Variants in UNC13D observed in about 807,000 individuals in gnomAD.
The protein encoded by UNC13D is unc-13 homolog D, also known as protein unc-13 homolog D.
Under a neutral mutation model 151.7 loss-of-function variants are expected in UNC13D, and 115 were observed. The ratio of observed to expected loss-of-function variants is 0.76; its 90% CI spans 0.65 to 0.88. The LOEUF (loss-of-function observed/expected upper bound fraction) is 0.88. Among genes scored for constraint, UNC13D ranks in the 40% least tolerant of loss-of-function variants. UNC13D has a pLI of 0.00. For missense variants in UNC13D, 1,369 were observed against 1,438.7 expected (o/e 0.95, Z 0.78); for synonymous variants, 588 against 612.2 (o/e 0.96, Z 0.58).
Position 75,834,932 on chromosome 17 carries a change from G to A in UNC13D, c.1980C>T (p.Val660=), listed in dbSNP as rs756267228. The A allele has an allele frequency of 5.0e-6, 8 of 1,614,082 alleles. No homozygotes were observed. Among genetic ancestry groups the A allele is most frequent in the Non-Finnish European group, 5.1e-6 (6 of 1,180,022 alleles). ...GAAGATGCCGCACCTCCACAAACTT[G>A]ACGGTAATCATGAAGGCCTCCTCTG... ...PDPEEAFMIT[V]KFVEDTCRLA... is the part of the protein sequence containing the mutation. The change falls in exon 21 of 32, where the codon GTC becomes GTT. Residue 660 remains valine (V), a synonymous_variant. Coordinates refer to ENST00000207549, the MANE Select transcript of UNC13D (RefSeq NM_199242.3).
intron 6 of UNC13D, among the ~76,000 whole-genome samples, chr17:75,842,158 T>G (rs2064953898): frequency 6.6e-6 from 1 of 152,206 alleles, no homozygotes; most frequent in African/African-American, 2.4e-5. Flanking sequence ...CACCCATCCC[T>G]GCCTCCTTTC....
chr17:75,836,156 C>T lies in UNC13D; in HGVS notation c.1446+44G>A, dbSNP rs868073277. 5 of 1,611,868 alleles carry T rather than the reference C, an allele frequency of 3.1e-6. 1 individual carries two copies. In the African/African-American group the frequency reaches 4.0e-5, roughly 13 times the overall value. On this transcript the variant is annotated intron_variant, in intron 16 of 31. Coordinates refer to ENST00000207549, the MANE Select transcript of UNC13D (RefSeq NM_199242.3). The stretch of plus-strand genomic sequence containing the variant: ...GGGCAGGGCTGCCAGAGGCAGGCAC[C>T]ACCCCCCGTGACCCCCTGCCCTCCC...
At chr17:75,843,637 C>T in intron 1 of UNC13D, 118 bp from the exon 2 acceptor site, 3 of 1,524,926 alleles carry the variant, frequency 2.0e-6, no homozygotes, top group Non-Finnish European at 2.6e-6. Context: ...AGCACCCCGG[C>T]CTCCAGCCCC....
chr17:75,830,086 G>C lies in UNC13D; in HGVS notation c.2896C>G (p.Arg966Gly), dbSNP rs118049905. The stretch of plus-strand genomic sequence containing the variant: ...TCCTTCTTGTGCTTCTGGGTCTCCC[G>C]GGCGGCCAGCTCAGGGAACTCATGC... ...PRHEFPELAARETQKHKKDLH... is the reference protein window; with the variant it reads ...PRHEFPELAAGETQKHKKDLH... The change falls in exon 30 of 32, where the codon CGG (arginine) becomes GGG (glycine). Residue 966 changes from arginine to glycine, a missense_variant. Coordinates refer to ENST00000207549, the MANE Select transcript of UNC13D (RefSeq NM_199242.3). 17 of 1,579,904 alleles carry C rather than the reference G, an allele frequency of 1.1e-5. No homozygotes were observed. The highest frequency in any genetic ancestry group is 1.4e-5 in the Non-Finnish European group (16 of 1,163,032).
intron 12 of UNC13D, among the ~76,000 whole-genome samples, chr17:75,837,127 G>A (rs1163545735): frequency 2.0e-5 from 3 of 151,562 alleles, no homozygotes; most frequent in Admixed American, 6.6e-5. Flanking sequence ...GTGCAGTGGC[G>A]TGATCTCGGC....
At chr17:75,836,728 G>C (rs747481309) in intron 13 of UNC13D, 32 bp from the exon 14 acceptor site, 2 of 1,613,438 alleles carry the variant, frequency 1.2e-6, no homozygotes, top group South Asian at 1.1e-5. Context: ...TAGGGGCCTA[G>C]ACAGCTGCTG....
At chr17:75,841,966 C>T (rs530507870) in intron 6 of UNC13D, among the ~76,000 whole-genome samples, 12 of 152,222 alleles carry the variant, frequency 7.9e-5, no homozygotes, top group Admixed American at 2.0e-4. Context: ...CCAGGATGGT[C>T]TCAATCTCCT....
chr17:75,835,266 T>C, intron 20 of UNC13D, 143 bp downstream of exon 20: 2 of 1,370,236 alleles, frequency 1.5e-6, no homozygotes, highest in Non-Finnish European at 2.0e-6. Context: ...GAGGCAGCGT[T>C]TTGCACAAAA....
rs760233710 is a variant in UNC13D at position 75,832,794 on chromosome 17, G to C, written c.2447+172C>G. 4.7e-6 allele frequency: 3 copies of C among 636,406 alleles called. No individual in the cohort carries two copies. In the Admixed American group the frequency reaches 7.2e-5, roughly 15 times the overall value. The allele number at this position is 636,406 out of a possible 1,614,324, so 39.4% of individuals were successfully genotyped here. ...GGGATTCACCTCCACCCCTCAGAAC[G>C]GATGCTGAGGCCCAGGAAAGAGGGG... is the stretch of plus-strand genomic sequence containing the variant. On this transcript the variant is annotated intron_variant, in intron 25 of 31. Coordinates refer to ENST00000207549, the MANE Select transcript of UNC13D (RefSeq NM_199242.3). This position sits in a 1 kb window ranked among gnomAD's most constrained non-coding sequence, Gnocchi z 4.3.
Position 75,833,114 on chromosome 17 carries a change from G to A in UNC13D, c.2368-69C>T. 1 of 1,468,484 alleles carries A rather than the reference G, an allele frequency of 6.8e-7. No homozygotes were observed. The highest frequency in any genetic ancestry group is 1.2e-5 in the South Asian group (1 of 82,324). The allele number at this position is 1,468,484 out of a possible 1,614,324, so 91.0% of individuals were successfully genotyped here. ...GGCCCCACCCCCATCCCCTTCCCCT[G>A]ACCTGGAGGGAGGAAACAGGGCTGG... On this transcript the variant is annotated intron_variant, in intron 24 of 31. Coordinates refer to ENST00000207549, the MANE Select transcript of UNC13D (RefSeq NM_199242.3). This position sits in a 1 kb window ranked among gnomAD's most constrained non-coding sequence, Gnocchi z 4.0.
At chr17:75,828,144 G>A in intron 31 of UNC13D, 58 bp from the exon 32 acceptor site, 5 of 1,549,028 alleles carry the variant, frequency 3.2e-6, no homozygotes, top group Non-Finnish European at 4.4e-6. Flanking sequence ...GCCTGGTGGT[G>A]GCAGAGAAGA....
intron 14 of UNC13D, 60 bp downstream of exon 14, chr17:75,836,512 G>A: frequency 6.2e-7 from 1 of 1,612,696 alleles, no homozygotes; most frequent in Non-Finnish European, 8.5e-7. Context: ...CACTCCTGCA[G>A]GCACCCCAGC....
chr17:75,828,041 T>C lies in UNC13D; in HGVS notation c.3197A>G (p.Glu1066Gly). 1 of 1,579,486 alleles carries C rather than the reference T, an allele frequency of 6.3e-7. No individual in the cohort carries two copies. Among genetic ancestry groups the C allele is most frequent in the Non-Finnish European group, 8.6e-7 (1 of 1,163,328 alleles). The stretch of plus-strand genomic sequence containing the variant: ...CCGCAGCCTCACAAAGACCTGGGCT[T>C]CTCGGTCACCCTTCCGGCCCTCCAG... ...QLLEGRKGDREAQVFVRLRRH... is the reference protein window; with the variant it reads ...QLLEGRKGDRGAQVFVRLRRH... Residue 1066 changes from glutamate to glycine, a missense_variant, in exon 32 of 32, where the codon GAA (glutamate) becomes GGA (glycine). Physicochemically the swap from Glu to Gly is moderately conservative, Grantham distance 98. Transcript: ENST00000207549.
chr17:75,837,006 C>CCCTCCT, intron 12 of UNC13D, 88 bp from the exon 13 acceptor site: 5 of 1,211,602 alleles, frequency 4.1e-6, no homozygotes, highest in Non-Finnish European at 6.0e-6. Flanking sequence ...GGAATCGCCT[C>CCCTCCT]CCATCCACCA....
Position 75,827,565 on chromosome 17 carries a change from C to T in UNC13D, c.*400G>A, listed in dbSNP as rs2062132239. On this transcript the variant is annotated 3_prime_UTR_variant, in exon 32 of 32. Transcript: ENST00000207549. The stretch of plus-strand genomic sequence containing the variant: ...TCCAGGAGACTCTGTGCCTGTAGCC[C>T]TGGTCCCAGTGAACCTGGCCCCCAC... 6.5e-7 allele frequency: 1 copy of T among 1,535,140 alleles called. No homozygotes were observed. The highest frequency in any genetic ancestry group is 1.2e-5 in the South Asian group (1 of 84,018).
Position 75,833,213 on chromosome 17 carries a change from G to A in UNC13D, c.2368-168C>T, listed in dbSNP as rs930361202. The A allele has an allele frequency of 4.8e-6, 3 of 628,010 alleles. No homozygotes were observed. The highest frequency in any genetic ancestry group is 8.7e-6 in the Non-Finnish European group (3 of 346,724). The allele number at this position is 628,010 out of a possible 1,614,324, so 38.9% of individuals were successfully genotyped here. On this transcript the variant is annotated intron_variant, in intron 24 of 31. Coordinates refer to ENST00000207549, the MANE Select transcript of UNC13D (RefSeq NM_199242.3). The surrounding 1 kb of genome is among the most constrained non-coding windows in gnomAD (Gnocchi z 4.0). ...CCCACCTCTCTGCCTTCCCCTCTCC[G>A]TTGCTCAGCCTGTCCCAGCCACACT...
rs3217698 is a variant in UNC13D, at chr17:75,831,355, C to CG, written c.2448-8dup. ...CCAGAGCAGGGTCAGGAGGCTGGGG[C>CG]GGGGCCGGAGGGATGCGGACACAGC... On this transcript the variant is annotated splice_region_variant and splice_polypyrimidine_tract_variant and intron_variant, in intron 25 of 31. Transcript: ENST00000207549. 0.11 allele frequency: 180,233 copies of CG among 1,609,058 alleles called. 22,339 individuals are homozygous for CG. The highest frequency in any genetic ancestry group is 0.6 in the African/African-American group (44,688 of 74,894).
rs1334202828 is a variant in UNC13D, at chr17:75,840,937, G to A, written c.614+20C>T. 1.1e-5 allele frequency: 18 copies of A among 1,613,904 alleles called. No individual in the cohort carries two copies. Among genetic ancestry groups the A allele is most frequent in the Admixed American group, 5.0e-5 (3 of 59,976 alleles). ...AGATCCCTTCCCTTCCCATCCCTAG[G>A]GGCAGGCCAGGTCACTCACCACATG... On this transcript the variant is annotated intron_variant, in intron 7 of 31. Transcript: ENST00000207549. This position sits in a 1 kb window ranked among gnomAD's most constrained non-coding sequence, Gnocchi z 4.6.
At position 75,839,994 on chromosome 17, in the gene UNC13D, C is replaced by T. The variant is rs536455185; in HGVS notation, c.951+24G>A. 5.5e-5 allele frequency: 89 copies of T among 1,613,386 alleles called. No homozygotes were observed. In the South Asian group the frequency reaches 7.7e-4, roughly 14 times the overall value. On this transcript the variant is annotated intron_variant, in intron 11 of 31. Transcript: ENST00000207549. ...AGGACCTGAAGGGCAGCCCCGGCTG[C>T]GCCCAGCCCCAGGAGGGCAATACCT...
Sources: gnomAD v4.1 joint callset for allele counts (sites outside exome capture counted in the v4.1 genomes callset) on GRCh38, gnomAD v4.1.1 for gene constraint, Gnocchi (gnomAD v3.1) non-coding constraint, MANE v1.5 for transcripts, NCBI Gene and HGNC (gene_info 2026-07-23, HGNC 2026-07-21) for gene names.